Variants in WNT7A observed in about 807,000 individuals in gnomAD.
WNT7A encodes the protein protein Wnt-7a.
Under a neutral mutation model 28.2 loss-of-function variants are expected in WNT7A, and 16 were observed. The ratio of observed to expected loss-of-function variants is 0.57; its 90% CI spans 0.38 to 0.86. The LOEUF (loss-of-function observed/expected upper bound fraction) is 0.86. Ranked by LOEUF, WNT7A falls within the 40% of genes least tolerant of loss-of-function variation. WNT7A has a pLI of 0.00. For synonymous variants in WNT7A, 190 were observed against 195.9 expected, an observed-to-expected ratio of 0.97 and a Z score of 0.25; for missense variants, 411 against 489.7, an observed-to-expected ratio of 0.84 and a Z score of 1.52.
chr3:13,871,233 A>G (rs1695021876), intron 2 of WNT7A, among the ~76,000 whole-genome samples: 1 of 152,216 alleles, frequency 6.6e-6, no homozygotes, highest in Admixed American at 6.5e-5. Flanking sequence ...CTTAATGGCC[A>G]CAGCTCCAAA....
chr3:13,822,294 A>G (rs1694123513), intron 3 of WNT7A, among the ~76,000 whole-genome samples: 1 of 152,266 alleles, frequency 6.6e-6, no homozygotes. Flanking sequence ...TAGCAGCATT[A>G]TTCATAACAG....
intron 2 of WNT7A, 82 bp from the exon 3 acceptor site, chr3:13,854,885 G>A: frequency 6.3e-7 from 1 of 1,577,898 alleles, no homozygotes. Context: ...TGAAGAGTGA[G>A]GCTGAGCTCA....
chr3:13,879,575 G>A (rs950827660), intron 1 of WNT7A, among the ~76,000 whole-genome samples, 171 bp downstream of exon 1: 1 of 152,152 alleles, frequency 6.6e-6, no homozygotes, highest in African/African-American at 2.4e-5. Context: ...TATCTCCTGG[G>A]GTGTCCTGCG....
chr3:13,821,462 A>T (rs1360629876), intron 3 of WNT7A, among the ~76,000 whole-genome samples: 5 of 152,246 alleles, frequency 3.3e-5, no homozygotes, highest in Non-Finnish European at 7.3e-5. Flanking sequence ...TGCAAAGGAA[A>T]CAGGTTCAAG....
intron 2 of WNT7A, among the ~76,000 whole-genome samples, chr3:13,859,473 A>G (rs536219682): frequency 6.5e-4 from 99 of 152,314 alleles, no homozygotes; most frequent in African/African-American, 2.1e-3. Flanking sequence ...TTATAATTAT[A>G]ATAATTGATG....
chr3:13,825,488 G>A (rs189672126), intron 3 of WNT7A, among the ~76,000 whole-genome samples: 3 of 152,332 alleles, frequency 2.0e-5, no homozygotes, highest in Admixed American at 1.3e-4. Context: ...GCCCTGTTAC[G>A]TAGTGTTTCC....
intron 2 of WNT7A, among the ~76,000 whole-genome samples, chr3:13,864,124 T>A (rs1488680138): frequency 6.6e-6 from 1 of 152,058 alleles, no homozygotes; most frequent in Non-Finnish European, 1.5e-5. Flanking sequence ...AATGCACCCA[T>A]CCCCAGGAGC....
chr3:13,878,374 T>TGCGCGGGGCGGCGGG (rs1244954611), intron 1 of WNT7A, among the ~76,000 whole-genome samples: 1 of 152,068 alleles, frequency 6.6e-6, no homozygotes, highest in Non-Finnish European at 1.5e-5. Context: ...ATGCTGAATG[T>TGCGCGGGGCGGCGGG]GCGCGGGGCG....
chr3:13,826,010 C>T (rs930000436), intron 3 of WNT7A, among the ~76,000 whole-genome samples: 9 of 152,228 alleles, frequency 5.9e-5, no homozygotes, highest in Admixed American at 1.3e-4. Flanking sequence ...TGTGTGCAAG[C>T]GGTGCTGCCC....
chr3:13,864,359 G>A (rs1332514845), intron 2 of WNT7A, among the ~76,000 whole-genome samples: 1 of 151,864 alleles, frequency 6.6e-6, no homozygotes, highest in Non-Finnish European at 1.5e-5. Context: ...CCTACGCTAC[G>A]CCCTGCAGTC....
chr3:13,826,618 C>T (rs894140254), intron 3 of WNT7A, among the ~76,000 whole-genome samples: 10 of 152,040 alleles, frequency 6.6e-5, no homozygotes, highest in African/African-American at 1.4e-4. Flanking sequence ...TTGGTGCTAC[C>T]GAAATCTGAC....
intron 1 of WNT7A, 62 bp downstream of exon 1, chr3:13,879,684 C>T (rs1289028932): frequency 2.5e-5 from 39 of 1,569,942 alleles, no homozygotes; most frequent in Non-Finnish European, 3.2e-5. Context: ...CGGCACACCT[C>T]CCTCCCCGGG....
chr3:13,863,130 G>A (rs974701341), intron 2 of WNT7A, among the ~76,000 whole-genome samples: 3 of 152,158 alleles, frequency 2.0e-5, no homozygotes, highest in Non-Finnish European at 2.9e-5. Context: ...AGCTCAGCCC[G>A]CACTTGGTAA....
intron 3 of WNT7A, among the ~76,000 whole-genome samples, chr3:13,829,149 T>C (rs1030350903): frequency 2.2e-4 from 33 of 152,172 alleles, no homozygotes; most frequent in African/African-American, 7.7e-4. Flanking sequence ...CTTGTGACCA[T>C]TAGGCAAGAC....
intron 3 of WNT7A, among the ~76,000 whole-genome samples, chr3:13,840,380 G>A (rs1694976327): frequency 6.6e-6 from 1 of 152,192 alleles, no homozygotes; most frequent in Non-Finnish European, 1.5e-5. Flanking sequence ...ATAAAGGCAA[G>A]TACCATGTCT....
chr3:13,859,587 T>A (rs1464434205), intron 2 of WNT7A, among the ~76,000 whole-genome samples: 1 of 152,216 alleles, frequency 6.6e-6, no homozygotes, highest in Non-Finnish European at 1.5e-5. Context: ...CTGCTGATTA[T>A]CTGTTCCCCA....
chr3:13,818,799 C>A lies in WNT7A; in HGVS notation c.*145G>T. On this transcript the variant is annotated 3_prime_UTR_variant, in exon 4 of 4. Transcript: ENST00000285018. ...GCTCTGAGAGATTTTTTTTCCCCCA[C>A]GGATGCCTGCAGGAAACCCAGGAAA... 1.6e-6 allele frequency: 2 copies of A among 1,270,168 alleles called. 1 individual carries two copies. The highest frequency in any genetic ancestry group is 3.3e-5 in the South Asian group (2 of 61,460). 78.7% of individuals were successfully genotyped at this position (1,270,168 alleles called of 1,614,324 possible). A position where few individuals can be genotyped will look rare whatever the true frequency, so the allele number is the denominator to read the frequency against.
rs150241146 is a variant in WNT7A, at chr3:13,850,629, C to T, written c.570+3903G>A. On this transcript the variant is annotated intron_variant, in intron 3 of 3. Transcript: ENST00000285018. ...GCTGGGCCCCCATCCCCAGGGCTGC[C>T]TCTCCTGGGCTCAGTCACCACACTC... 3.6e-3 allele frequency among the ~76,000 whole-genome samples: 554 copies of T among 152,248 alleles called. 4 individuals carry two copies. Among genetic ancestry groups the T allele is most frequent in the African/African-American group, 0.012 (519 of 41,550 alleles).
chr3:13,872,633 T>C (rs1695043579), intron 2 of WNT7A, among the ~76,000 whole-genome samples: 1 of 152,172 alleles, frequency 6.6e-6, no homozygotes, highest in Admixed American at 6.5e-5. Flanking sequence ...CCCACTAGAA[T>C]GCCTCTTGCC....
Sources: gnomAD v4.1 joint callset for allele counts (sites outside exome capture counted in the v4.1 genomes callset) on GRCh38, gnomAD v4.1.1 for gene constraint, MANE v1.5 for transcripts, NCBI Gene and HGNC (gene_info 2026-07-23, HGNC 2026-07-21) for gene names.